ZNF850: variants seen among roughly 807,000 people sequenced by gnomAD.
ZNF850 encodes putative zinc finger protein ENSP00000330994.
Under a neutral mutation model 11.9 loss-of-function variants are expected in ZNF850, and 2 were observed. The ratio of observed to expected loss-of-function variants is 0.17; its 90% CI spans 0.07 to 0.53. The LOEUF is 0.53. Among genes scored for constraint, ZNF850 ranks in the 20% least tolerant of loss-of-function variants. ZNF850 has a pLI of 0.94. For synonymous variants in ZNF850, 381 were observed against 443.0 expected (o/e 0.86, Z 1.76); for missense variants, 1,014 against 1,316.4 (o/e 0.77, Z 3.55).
At chr19:36,761,850 A>T (rs2040520403) in intron 3 of ZNF850, 112 bp from the exon 4 acceptor site, 1 of 598,546 alleles carries the variant, frequency 1.7e-6, no homozygotes, top group Non-Finnish European at 2.9e-6. Context: ...GTTCAAGACC[A>T]GCCTGACCAA....
chr19:36,765,801 A>C (rs1009821783), intron 1 of ZNF850, among the ~76,000 whole-genome samples: 1 of 151,676 alleles, frequency 6.6e-6, no homozygotes, highest in Non-Finnish European at 1.5e-5. Context: ...TCAGGCTGGT[A>C]TCAAACTCCT....
intron 4 of ZNF850, among the ~76,000 whole-genome samples, chr19:36,754,171 C>CAA (rs61598199): frequency 0.018 from 1,280 of 72,992 alleles, 10 homozygotes; most frequent in Middle Eastern, 0.029. Flanking sequence ...GACCCTGTCT[C>CAA]AAAAAAAAAA....
At chr19:36,755,511 G>A (rs1328583620) in intron 4 of ZNF850, among the ~76,000 whole-genome samples, 1 of 152,128 alleles carries the variant, frequency 6.6e-6, no homozygotes, top group East Asian at 1.9e-4. Context: ...ATGAGCCACC[G>A]CACCTGGCCT....
chr19:36,750,126 C>T lies in ZNF850; in HGVS notation c.914G>A (p.Gly305Asp), dbSNP rs370077728. The change falls in exon 5 of 5, where the codon GGT becomes GAT. Residue 305 changes from glycine to aspartate, a missense_variant. Gly to Asp is a moderately conservative substitution (Grantham distance 94). This residue lies in a region of ZNF850 where 835 missense variants were observed against 1,022.0 expected (regional missense o/e 0.82). Coordinates refer to ENST00000591344, the MANE Select transcript of ZNF850 (RefSeq NM_001193552.2). ...TLNQHQQIHTGEKPYHCKQCG... is the reference protein window; with the variant it reads ...TLNQHQQIHTDEKPYHCKQCG... Reference sequence around the variant, plus strand: ...TTGCTTACAATGATAGGGTTTCTCACCAGTGTGAATTTGCTGATGTTGATT... The same window carrying T: ...TTGCTTACAATGATAGGGTTTCTCATCAGTGTGAATTTGCTGATGTTGATT... The T allele has an allele frequency of 4.5e-6, 7 of 1,538,586 alleles. No homozygotes were observed. Among genetic ancestry groups the T allele is most frequent in the Admixed American group, 3.9e-5 (2 of 51,008 alleles).
In ZNF850 at chr19:36,745,308, C is replaced by G. The variant is rs921186471; in HGVS notation, c.*2459G>C. The G allele has an allele frequency of 6.6e-6, 1 of 152,036 alleles. No homozygotes were observed. Among genetic ancestry groups the G allele is most frequent in the Admixed American group, 6.6e-5 (1 of 15,258 alleles). 9.4% of individuals were successfully genotyped at this position (152,036 alleles called of 1,614,324 possible). A position where few individuals can be genotyped will look rare whatever the true frequency, so the allele number is the denominator to read the frequency against. On this transcript the variant is annotated 3_prime_UTR_variant, in exon 5 of 5. Transcript: ENST00000591344. ...GTAATTTAAATAGAATGAAATACAA[C>G]AATCCGAAGTGCATAGACGATGAGG...
chr19:36,748,962 C>T lies in ZNF850; in HGVS notation c.2078G>A (p.Arg693Lys). 1 of 1,593,926 alleles carries T rather than the reference C, an allele frequency of 6.3e-7. No individual in the cohort carries two copies. Among genetic ancestry groups the T allele is most frequent in the Non-Finnish European group, 8.5e-7 (1 of 1,171,040 alleles). Reference protein sequence around the residue: ...RQRTYLNQHRRIHTGEKPYEC... With the variant: ...RQRTYLNQHRKIHTGEKPYEC... ...ATAAGGTTTCTCACCAGTATGAATT[C>T]TCCGATGTTGATTAAGGTATGTACG... The change falls in exon 5 of 5, where the codon AGA (arginine) becomes AAA (lysine). Residue 693 changes from arginine (R) to lysine (K), a missense_variant. Coordinates refer to ENST00000591344, the MANE Select transcript of ZNF850 (RefSeq NM_001193552.2).
At chr19:36,760,486 T>C (rs1035121071) in intron 4 of ZNF850, among the ~76,000 whole-genome samples, 1 of 151,910 alleles carries the variant, frequency 6.6e-6, no homozygotes, top group African/African-American at 2.4e-5. Context: ...AGACTGTAAT[T>C]CTGATAGCTT....
chr19:36,771,560 A>G (rs2040584257), intron 1 of ZNF850, among the ~76,000 whole-genome samples: 1 of 149,714 alleles, frequency 6.7e-6, no homozygotes, highest in Admixed American at 6.7e-5. Flanking sequence ...TTGGGCCGGG[A>G]CCAATCAGGA....
At chr19:36,763,804 G>A (rs540778573) in intron 1 of ZNF850, among the ~76,000 whole-genome samples, 2 of 152,056 alleles carry the variant, frequency 1.3e-5, no homozygotes, top group South Asian at 4.2e-4. Flanking sequence ...CAGATGTGGT[G>A]GGACATGCCT....
rs553803133 is a variant in ZNF850, at chr19:36,746,783, T to C, written c.*984A>G. On this transcript the variant is annotated 3_prime_UTR_variant, in exon 5 of 5. Coordinates refer to ENST00000591344, the MANE Select transcript of ZNF850 (RefSeq NM_001193552.2). ...TTATGGGCTAAAGTAGACAGGGAAA[T>C]AGACAGGGAAGGCGAAGCTTAAAAC... is the stretch of plus-strand genomic sequence containing the variant. The C allele has an allele frequency of 6.6e-6, 1 of 152,222 alleles. No individual in the cohort carries two copies. Among genetic ancestry groups the C allele is most frequent in the Admixed American group, 6.5e-5 (1 of 15,280 alleles). The allele number at this position is 152,222 out of a possible 1,614,324, so 9.4% of individuals were successfully genotyped here. A position where few individuals can be genotyped will look rare whatever the true frequency, so the allele number is the denominator to read the frequency against.
At position 36,747,926 on chromosome 19, in the gene ZNF850, T is replaced by A; in HGVS notation, c.3114A>T (p.Gln1038His). The A allele has an allele frequency of 6.4e-7, 1 of 1,568,758 alleles. No individual in the cohort carries two copies. Among genetic ancestry groups the A allele is most frequent in the Non-Finnish European group, 8.6e-7 (1 of 1,161,346 alleles). Residue 1038 changes from glutamine (Q) to histidine (H), a missense_variant, in exon 5 of 5, where the codon CAA (glutamine) becomes CAT (histidine). Gln to His is a conservative substitution (Grantham distance 24, BLOSUM62 0). Transcript: ENST00000591344. ...KRIHTGEKTYQCPECGKAFFY... is the reference protein window; with the variant it reads ...KRIHTGEKTYHCPECGKAFFY... ...AAAAGGCTTTCCCACATTCCGGACA[T>A]TGATAAGTTTTCTCACCAGTATGGA...
intron 1 of ZNF850, among the ~76,000 whole-genome samples, chr19:36,767,224 G>T (rs574020611): frequency 6.7e-6 from 1 of 148,380 alleles, no homozygotes; most frequent in Non-Finnish European, 1.5e-5. Flanking sequence ...GCAACAGAGC[G>T]AGACTCAGTA....
intron 4 of ZNF850, among the ~76,000 whole-genome samples, chr19:36,755,416 AG>A (rs1167513684): frequency 6.6e-6 from 1 of 152,078 alleles, no homozygotes; most frequent in East Asian, 1.9e-4. Context: ...TAGTACAGAA[AG>A]GGTTTCGCCA....
At chr19:36,755,727 G>A (rs998330506) in intron 4 of ZNF850, among the ~76,000 whole-genome samples, 2 of 150,156 alleles carry the variant, frequency 1.3e-5, no homozygotes, top group East Asian at 2.0e-4. Context: ...AAACTAACAC[G>A]TACAGGGAAA....
intron 3 of ZNF850, 32 bp from the exon 4 acceptor site, chr19:36,761,770 G>C (rs765092623): frequency 1.1e-4 from 138 of 1,311,102 alleles, no homozygotes; most frequent in Non-Finnish European, 1.4e-4. Context: ...AGATAGCCAG[G>C]CATGGTGGCT....
At chr19:36,763,989 G>A (rs2040534449) in intron 1 of ZNF850, among the ~76,000 whole-genome samples, 1 of 152,124 alleles carries the variant, frequency 6.6e-6, no homozygotes, top group Admixed American at 6.6e-5. Context: ...GCTCATGCCT[G>A]TAATCCCAGC....
chr19:36,765,582 A>ATTTTTTTT (rs371481745), intron 1 of ZNF850, among the ~76,000 whole-genome samples: 1 of 124,412 alleles, frequency 8.0e-6, no homozygotes, highest in Non-Finnish European at 1.6e-5. Context: ...CAAAGTAAAG[A>ATTTTTTTT]TTTTTTTTTT....
chr19:36,753,748 C>T (rs889741069), intron 4 of ZNF850, among the ~76,000 whole-genome samples: 17 of 151,988 alleles, frequency 1.1e-4, no homozygotes, highest in African/African-American at 4.1e-4. Flanking sequence ...TCAGAAGAAT[C>T]CTGTGAATAG....
chr19:36,760,797 G>A (rs1021593623), intron 4 of ZNF850, among the ~76,000 whole-genome samples: 5 of 150,264 alleles, frequency 3.3e-5, no homozygotes, highest in African/African-American at 9.8e-5. Context: ...CCCGGGAAGT[G>A]GAGGTTGCAG....
Sources: gnomAD v4.1 joint callset for allele counts (sites outside exome capture counted in the v4.1 genomes callset) on GRCh38, gnomAD v4.1.1 for gene constraint, gnomAD v4.1.1 regional missense constraint, MANE v1.5 for transcripts, NCBI Gene and HGNC (gene_info 2026-07-23, HGNC 2026-07-21) for gene names.